Variants in IGF1R observed in about 807,000 individuals in gnomAD.
The protein encoded by IGF1R is insulin-like growth factor 1 receptor.
In IGF1R, 44 loss-of-function variants were observed where a neutral mutation model predicts 144.6. The ratio of observed to expected loss-of-function variants is 0.30; its 90% confidence interval spans 0.24 to 0.39. The LOEUF (loss-of-function observed/expected upper bound fraction) is 0.39, where lower values mean the gene tolerates loss of function less well. Ranked by LOEUF, IGF1R falls within the 10% of genes least tolerant of loss-of-function variation. The pLI, the probability that IGF1R is intolerant of heterozygous loss-of-function variation, is 1.00. For synonymous variants in IGF1R, 795 were observed against 722.8 expected, an observed-to-expected ratio of 1.10 and a Z score of -1.60; for missense variants, 1,355 against 1,833.7, an observed-to-expected ratio of 0.74 and a Z score of 4.77.
chr15:98,701,618 C>T (rs2053736341), intron 1 of IGF1R, among the ~76,000 whole-genome samples: 1 of 152,126 alleles, frequency 6.6e-6, no homozygotes, highest in Non-Finnish European at 1.5e-5. Flanking sequence ...GTATTACAGG[C>T]ATGAGCCGCC....
intron 2 of IGF1R, among the ~76,000 whole-genome samples, chr15:98,851,079 C>A (rs1229853387): frequency 6.6e-6 from 1 of 152,108 alleles, no homozygotes; most frequent in African/African-American, 2.4e-5. Context: ...CTGGCCAGGG[C>A]AAGGGAAGCC....
At chr15:98,758,702 G>T (rs2055219575) in intron 2 of IGF1R, among the ~76,000 whole-genome samples, 1 of 152,180 alleles carries the variant, frequency 6.6e-6, no homozygotes, top group Non-Finnish European at 1.5e-5. Flanking sequence ...CTCTGTTTTG[G>T]AGATTTGGGA....
intron 2 of IGF1R, among the ~76,000 whole-genome samples, chr15:98,797,920 C>T (rs1455911896): frequency 6.6e-6 from 1 of 152,204 alleles, no homozygotes; most frequent in African/African-American, 2.4e-5. Flanking sequence ...GTTGGATTCT[C>T]ATAGAAGGCC....
intron 1 of IGF1R, among the ~76,000 whole-genome samples, chr15:98,676,151 G>GT (rs1271939129): frequency 1.3e-5 from 2 of 151,262 alleles, no homozygotes; most frequent in South Asian, 4.2e-4. Flanking sequence ...TTTTATTAGT[G>GT]TTTTTTGTAG....
rs1319605576 is a variant in IGF1R, at chr15:98,704,762, G to A, written c.95-2800G>A. ...GCAGAGGGTGGTGTACCTTGGGAGG[G>A]AAGTGTGTAGGGTTGTTGAGGAACA... On this transcript the variant is annotated intron_variant, in intron 1 of 20. Transcript: ENST00000650285. The surrounding 1 kb of genome is among the most constrained non-coding windows in gnomAD (Gnocchi z 4.9). 2.0e-5 allele frequency among the ~76,000 whole-genome samples: 3 copies of A among 152,144 alleles called. No homozygotes were observed. The highest frequency in any genetic ancestry group is 4.8e-5 in the African/African-American group (2 of 41,412).
intron 2 of IGF1R, among the ~76,000 whole-genome samples, chr15:98,725,098 C>T (rs1327310738): frequency 6.6e-6 from 1 of 152,202 alleles, no homozygotes; most frequent in African/African-American, 2.4e-5. Context: ...TCTCCTGTTC[C>T]CTGGCCATTT....
intron 2 of IGF1R, among the ~76,000 whole-genome samples, chr15:98,812,471 C>G (rs1222996668): frequency 6.6e-6 from 1 of 151,630 alleles, no homozygotes; most frequent in Non-Finnish European, 1.5e-5. Context: ...TTTGTCCTGT[C>G]TCAGCCTCCC....
intron 2 of IGF1R, among the ~76,000 whole-genome samples, chr15:98,857,510 C>T (rs907213841): frequency 2.0e-5 from 3 of 152,238 alleles, no homozygotes; most frequent in African/African-American, 7.2e-5. Context: ...TGAGCCACCA[C>T]GCCCAGCCTA....
chr15:98,899,565 C>T lies in IGF1R; in HGVS notation c.1191C>T (p.Val397=), dbSNP rs771031733. The part of the protein sequence containing the change: ...YVKIRHSHAL[V]SLSFLKNLRL... The stretch of plus-strand genomic sequence containing the variant: ...AGATCCGCCATTCTCATGCCTTGGT[C>T]TCCTTGTCCTTCCTAAAAAACCTTC... Residue 397 remains valine, a synonymous_variant, in exon 5 of 21, where the codon GTC becomes GTT. Coordinates refer to ENST00000650285, the MANE Select transcript of IGF1R (RefSeq NM_000875.5). 17 of 1,614,128 alleles carry T rather than the reference C, an allele frequency of 1.1e-5. No individual in the cohort carries two copies. In the Admixed American group the frequency reaches 2.8e-4, roughly 27 times the overall value.
intron 1 of IGF1R, among the ~76,000 whole-genome samples, chr15:98,688,355 ACT>A (rs1555431943): frequency 4.4e-5 from 3 of 68,072 alleles, no homozygotes; most frequent in Non-Finnish European, 8.8e-5. Flanking sequence ...TTCCCCCCAC[ACT>A]CTCTCTCCCC....
In IGF1R at chr15:98,960,745, C is replaced by G. The variant is rs1276644360; in HGVS notation, c.*3303C>G. ...CAGAATGCAGAGGCTCCTGACCTCA[C>G]AGCCAGTCCCTGATAGAACACACGC... On this transcript the variant is annotated 3_prime_UTR_variant, in exon 21 of 21. Coordinates refer to ENST00000650285, the MANE Select transcript of IGF1R (RefSeq NM_000875.5). The G allele has an allele frequency of 4.3e-6, 1 of 233,470 alleles. No individual in the cohort carries two copies. The highest frequency in any genetic ancestry group is 5.6e-5 in the Admixed American group (1 of 17,792). The allele number at this position is 233,470 out of a possible 1,614,324, so 14.5% of individuals were successfully genotyped here. A position where few individuals can be genotyped will look rare whatever the true frequency, so the allele number is the denominator to read the frequency against.
intron 2 of IGF1R, among the ~76,000 whole-genome samples, chr15:98,796,447 T>C (rs1409543911): frequency 2.6e-5 from 4 of 152,202 alleles, no homozygotes; most frequent in African/African-American, 9.7e-5. Flanking sequence ...TCTGAGTCCC[T>C]GACCTGTGCC....
At chr15:98,775,264 G>T (rs2055683461) in intron 2 of IGF1R, among the ~76,000 whole-genome samples, 4 of 152,046 alleles carry the variant, frequency 2.6e-5, no homozygotes, top group African/African-American at 9.7e-5. Context: ...TTTGTGTCCT[G>T]CCCCATCTCT....
intron 1 of IGF1R, among the ~76,000 whole-genome samples, chr15:98,698,121 C>T (rs932527959): frequency 6.6e-6 from 1 of 151,412 alleles, no homozygotes; most frequent in Admixed American, 6.6e-5. Context: ...TCACTGCAAC[C>T]TCTGCCTCCC....
rs954382272 is a variant in IGF1R at position 98,961,760 on chromosome 15, A to G, written c.*4318A>G. ...ACTTGATCAAGACCCAGACCACCCC[A>G]GGTCTCCTTCGTGGGATGTCATGAC... On this transcript the variant is annotated 3_prime_UTR_variant, in exon 21 of 21. Coordinates refer to ENST00000650285, the MANE Select transcript of IGF1R (RefSeq NM_000875.5). 2 of 233,400 alleles carry G rather than the reference A, an allele frequency of 8.6e-6. No individual in the cohort carries two copies. Among genetic ancestry groups the G allele is most frequent in the Non-Finnish European group, 1.7e-5 (2 of 118,060 alleles). 14.5% of individuals were successfully genotyped at this position (233,400 alleles called of 1,614,324 possible).
chr15:98,711,226 A>C (rs2053984208), intron 2 of IGF1R, among the ~76,000 whole-genome samples: 2 of 152,198 alleles, frequency 1.3e-5, no homozygotes, highest in Admixed American at 1.3e-4. Context: ...CAACATAAGC[A>C]TTAAGATGGC....
intron 1 of IGF1R, among the ~76,000 whole-genome samples, chr15:98,672,569 CAAAAAAAAA>C (rs60559912): frequency 1.6e-5 from 1 of 61,654 alleles, no homozygotes; most frequent in Non-Finnish European, 3.9e-5. Context: ...GACTCCATCT[CAAAAAAAAA>C]AAAAAAAAAA....
At chr15:98,741,822 TC>T (rs1477159087) in intron 2 of IGF1R, among the ~76,000 whole-genome samples, 31 of 152,234 alleles carry the variant, frequency 2.0e-4, no homozygotes, top group Admixed American at 4.6e-4. Flanking sequence ...GTTTTTCTCC[TC>T]CTCCATGGGG....
chr15:98,780,749 C>T (rs768173537), intron 2 of IGF1R, among the ~76,000 whole-genome samples: 2 of 152,040 alleles, frequency 1.3e-5, no homozygotes, highest in Non-Finnish European at 2.9e-5. Context: ...GATCTCCTTA[C>T]GGTTTAGATA....
Sources: allele counts gnomAD v4.1 joint callset (sites outside exome capture counted in the v4.1 genomes callset), GRCh38; gene constraint gnomAD v4.1.1; non-coding constraint Gnocchi (gnomAD v3.1); transcripts MANE v1.5; gene names NCBI Gene and HGNC (gene_info 2026-07-23, HGNC 2026-07-21).